ANLN: variants seen among roughly 807,000 people sequenced by gnomAD.
ANLN encodes the protein anillin, actin binding protein, also known as anillin.
ANLN carries 59 observed loss-of-function variants against 135.1 expected under a neutral mutation model. The observed-to-expected ratio is 0.44, with a 90% CI of 0.35 to 0.54. ANLN has a LOEUF of 0.54. ANLN is among the 20% of genes least tolerant of loss of function. The pLI is 0.00. For synonymous variants in ANLN, 406 were observed against 456.4 expected, an observed-to-expected ratio of 0.89 and a Z score of 1.41; for missense variants, 1,182 against 1,340.0, an observed-to-expected ratio of 0.88 and a Z score of 1.84.
rs1562803077 is a variant in ANLN, at chr7:36,420,733, CAG to C, written c.2154_2155del (p.Lys719AsnfsTer6). Reference protein sequence around the residue: ...NAFPCQVNIKQKMQELNNEIN... With the variant: ...NAFPCQVNIKXKMQELNNEIN... ...CTTTCCTTGTCAAGTTAATATCAAA[CAG>C]AAAATGCAGGTATGTACTTTTGTGG... is the stretch of plus-strand genomic sequence containing the variant. On this transcript the variant is annotated frameshift_variant, in exon 12 of 24. Transcript: ENST00000265748. LOFTEE classifies it high-confidence loss of function. The C allele has an allele frequency of 6.2e-7, 1 of 1,613,844 alleles. No homozygotes were observed. Among genetic ancestry groups the C allele is most frequent in the Non-Finnish European group, 8.5e-7 (1 of 1,179,862 alleles).
chr7:36,410,388 G>T, intron 5 of ANLN, 126 bp from the exon 6 acceptor site: 1 of 802,152 alleles, frequency 1.2e-6, no homozygotes. Context: ...AGTCTACTTT[G>T]TGAATGAATA....
chr7:36,442,783 C>A (rs1032917614), intron 21 of ANLN, among the ~76,000 whole-genome samples: 2 of 151,932 alleles, frequency 1.3e-5, no homozygotes, highest in Non-Finnish European at 2.9e-5. Context: ...AGATGCTCAC[C>A]GCCACGCCTG....
intron 22 of ANLN, among the ~76,000 whole-genome samples, chr7:36,445,214 C>T (rs897198746): frequency 5.6e-5 from 5 of 89,404 alleles, no homozygotes; most frequent in Admixed American, 1.8e-4. Context: ...TTGCATTATA[C>T]GTGCCAATTA....
At position 36,389,885 on chromosome 7, in the gene ANLN, G is replaced by A; in HGVS notation, c.-142G>A. On this transcript the variant is annotated 5_prime_UTR_variant, in exon 1 of 24. Coordinates refer to ENST00000265748, the MANE Select transcript of ANLN (RefSeq NM_018685.5). ...CCGAGTCCGTCACTGGAAGCCGAGAGGAGAGGACAGCTGGTTGTGGGAGAG... is the reference window on the plus strand; with the variant it reads ...CCGAGTCCGTCACTGGAAGCCGAGAAGAGAGGACAGCTGGTTGTGGGAGAG... The A allele has an allele frequency of 6.8e-7, 1 of 1,467,528 alleles. No individual in the cohort carries two copies. The highest frequency in any genetic ancestry group is 9.4e-7 in the Non-Finnish European group (1 of 1,058,766). The allele number at this position is 1,467,528 out of a possible 1,614,324, so 90.9% of individuals were successfully genotyped here.
Position 36,429,912 on chromosome 7 carries a change from T to C in ANLN, c.2883+2884T>C, listed in dbSNP as rs558045302. Among the ~76,000 whole-genome samples the C allele has an allele frequency of 2.1e-4, 32 of 152,328 alleles. 1 individual carries two copies. In the South Asian group the frequency reaches 4.6e-3, roughly 22 times the overall value. On this transcript the variant is annotated intron_variant, in intron 20 of 23. Transcript: ENST00000265748. ...ATAACTTAAATAGCCAACCACATGA[T>C]TGAGTGCAAAATCAAACCACTCAGT...
At chr7:36,449,239 C>T (rs6462677) in intron 22 of ANLN, 149,497 of 152,926 alleles carry the variant, frequency 0.98, 73,163 homozygotes, top group East Asian at 1. Context: ...CCTTATCTTT[C>T]ATAGATATAT....
chr7:36,415,912 A>G (rs1244262079), intron 8 of ANLN, 28 bp downstream of exon 8: 1 of 1,517,110 alleles, frequency 6.6e-7, no homozygotes, highest in Non-Finnish European at 8.8e-7. Context: ...GTTCATGGTT[A>G]GTATGTAGAA....
At chr7:36,408,699 C>T (rs898944948) in intron 5 of ANLN, among the ~76,000 whole-genome samples, 1 of 152,114 alleles carries the variant, frequency 6.6e-6, no homozygotes, top group African/African-American at 2.4e-5. Flanking sequence ...TATATTTGTA[C>T]TCATTAATCA....
At chr7:36,392,736 T>C (rs1463969901) in intron 1 of ANLN, among the ~76,000 whole-genome samples, 1 of 151,810 alleles carries the variant, frequency 6.6e-6, no homozygotes, top group African/African-American at 2.4e-5. Flanking sequence ...GGATCTTTTT[T>C]TGTGTATCTA....
At chr7:36,434,226 T>C (rs892602792) in intron 20 of ANLN, among the ~76,000 whole-genome samples, 2 of 152,232 alleles carry the variant, frequency 1.3e-5, no homozygotes, top group Non-Finnish European at 2.9e-5. Context: ...ATAGATTTGG[T>C]TCAAGTTTTG....
chr7:36,450,358 G>A (rs1207820127), intron 23 of ANLN, among the ~76,000 whole-genome samples: 1 of 152,154 alleles, frequency 6.6e-6, no homozygotes, highest in South Asian at 2.1e-4. Context: ...TTCTAAGATA[G>A]GTTTCTTTGC....
chr7:36,407,775 T>A lies in ANLN; in HGVS notation c.915T>A (p.Asp305Glu). Reference protein sequence around the residue: ...SPVKSTTSITDAKSCEGQNPE... With the variant: ...SPVKSTTSITEAKSCEGQNPE... ...TGAAATCTACTACATCTATCACTGATGCTAAAAGTTGTGAGGGACAAAATC... is the reference window on the plus strand; with the variant it reads ...TGAAATCTACTACATCTATCACTGAAGCTAAAAGTTGTGAGGGACAAAATC... Residue 305 changes from aspartate (D) to glutamate (E), a missense_variant, in exon 5 of 24, where the codon GAT (aspartate) becomes GAA (glutamate). Around this residue, in one of 3 missense-constraint regions of ANLN, gnomAD observed 1,022 missense variants for 1,134.0 expected, o/e 0.90. Coordinates refer to ENST00000265748, the MANE Select transcript of ANLN (RefSeq NM_018685.5). 6.2e-7 allele frequency: 1 copy of A among 1,613,842 alleles called. No homozygotes were observed. The highest frequency in any genetic ancestry group is 1.3e-5 in the African/African-American group (1 of 75,040).
At chr7:36,402,395 G>A (rs975410861) in intron 3 of ANLN, among the ~76,000 whole-genome samples, 6 of 152,162 alleles carry the variant, frequency 3.9e-5, no homozygotes, top group Admixed American at 3.3e-4. Context: ...TTACAGGTGT[G>A]AGCCACCGTG....
At chr7:36,443,951 C>CA in intron 22 of ANLN, 89 bp downstream of exon 22, 1 of 853,926 alleles carries the variant, frequency 1.2e-6, no homozygotes, top group South Asian at 1.8e-5. Flanking sequence ...CCCCATCACT[C>CA]ACCCAAATTA....
chr7:36,416,631 A>T (rs1420642800), intron 8 of ANLN, among the ~76,000 whole-genome samples: 1 of 152,204 alleles, frequency 6.6e-6, no homozygotes, highest in African/African-American at 2.4e-5. Context: ...AGTAAAAAAC[A>T]AATTGCAGAG....
intron 21 of ANLN, among the ~76,000 whole-genome samples, chr7:36,443,357 G>C (rs1788857300): frequency 6.6e-6 from 1 of 152,096 alleles, no homozygotes; most frequent in Admixed American, 6.5e-5. Flanking sequence ...TATTAAGATA[G>C]GTTTAACTTA....
chr7:36,399,476 T>A, intron 3 of ANLN, 83 bp downstream of exon 3: 4 of 1,219,204 alleles, frequency 3.3e-6, no homozygotes, highest in Non-Finnish European at 4.5e-6. Context: ...ATCAGTTAAC[T>A]CATGAAAAAT....
At chr7:36,430,848 G>C (rs945100449) in intron 20 of ANLN, among the ~76,000 whole-genome samples, 6 of 152,164 alleles carry the variant, frequency 3.9e-5, no homozygotes, top group Non-Finnish European at 7.3e-5. Context: ...AATCTTTGAA[G>C]TGTGGATGTC....
intron 20 of ANLN, among the ~76,000 whole-genome samples, chr7:36,432,648 T>C (rs894741790): frequency 2.6e-5 from 4 of 152,242 alleles, no homozygotes; most frequent in African/African-American, 7.2e-5. Context: ...CATTTTGTTA[T>C]TTGTTTTCTA....
Sources: gnomAD v4.1 joint callset for allele counts (sites outside exome capture counted in the v4.1 genomes callset) on GRCh38, gnomAD v4.1.1 for gene constraint, gnomAD v4.1.1 regional missense constraint, MANE v1.5 for transcripts, NCBI Gene and HGNC (gene_info 2026-07-23, HGNC 2026-07-21) for gene names.